The following KCND3 variants were observed in gnomAD, a reference collection of about 807,000 sequenced individuals.
KCND3 encodes the protein A-type voltage-gated potassium channel KCND3.
A neutral mutation model predicts 51.1 loss-of-function variants in KCND3; 9 were observed. The observed-to-expected ratio is 0.18, with a 90% confidence interval of 0.11 to 0.31. The LOEUF (loss-of-function observed/expected upper bound fraction) is 0.31, where lower values mean the gene tolerates loss of function less well. KCND3 is among the 10% of genes least tolerant of loss of function. The probability of loss-of-function intolerance (pLI) is 1.00; values close to 1 mark genes in which losing one functional copy is unlikely to be tolerated. For missense variants in KCND3, 526 were observed against 903.8 expected (o/e 0.58, Z 5.36); for synonymous variants, 349 against 368.0 (o/e 0.95, Z 0.59).
At chr1:111,952,568 C>T (rs1168159099) in intron 2 of KCND3, among the ~76,000 whole-genome samples, 1 of 152,168 alleles carries the variant, frequency 6.6e-6, no homozygotes, top group East Asian at 1.9e-4. Context: ...ATTTCCCTGC[C>T]TTCCTTCTCC....
At chr1:111,926,419 T>A (rs922062359) in intron 2 of KCND3, among the ~76,000 whole-genome samples, 1 of 152,248 alleles carries the variant, frequency 6.6e-6, no homozygotes, top group African/African-American at 2.4e-5. Flanking sequence ...GGTTAAGTAA[T>A]GCATCCAAGG....
chr1:111,829,950 C>T (rs1449179861), intron 2 of KCND3, among the ~76,000 whole-genome samples: 3 of 152,176 alleles, frequency 2.0e-5, no homozygotes, highest in African/African-American at 7.2e-5. Flanking sequence ...CTCATGTTCT[C>T]GCCTACTCCA....
rs996352934 is a variant in KCND3, at chr1:111,789,520, A to G, written c.1107-2414T>C. ...TGGGGTTGCAGAACCACTGCCCTGG[A>G]TCTTTGAGAAATCATGGTGCAGCAG... On this transcript the variant is annotated intron_variant, in intron 2 of 7. Transcript: ENST00000302127. Among the ~76,000 whole-genome samples, 7 of 152,248 alleles carry G rather than the reference A, an allele frequency of 4.6e-5. No homozygotes were observed. The East Asian group carries it at 1.2e-3, about 25-fold the overall frequency.
intron 3 of KCND3, among the ~76,000 whole-genome samples, chr1:111,782,306 G>C (rs558996661): frequency 6.6e-6 from 1 of 152,288 alleles, no homozygotes; most frequent in South Asian, 2.1e-4. Flanking sequence ...TCCCTTCCCA[G>C]GCTTCTAAAT....
At chr1:111,846,499 C>G (rs1341584776) in intron 2 of KCND3, among the ~76,000 whole-genome samples, 1 of 152,076 alleles carries the variant, frequency 6.6e-6, no homozygotes, top group South Asian at 2.1e-4. Flanking sequence ...GGGTGCAGGA[C>G]AGAACAGCAC....
chr1:111,834,339 G>T (rs1666979794), intron 2 of KCND3, among the ~76,000 whole-genome samples: 1 of 152,142 alleles, frequency 6.6e-6, no homozygotes, highest in Non-Finnish European at 1.5e-5. Context: ...TGCCCTTTCT[G>T]CTGAGAAGAG....
At chr1:111,829,731 T>C (rs960737767) in intron 2 of KCND3, among the ~76,000 whole-genome samples, 2 of 152,124 alleles carry the variant, frequency 1.3e-5, no homozygotes, top group African/African-American at 4.8e-5. Flanking sequence ...AGCACCTCAC[T>C]GGACATCTCC....
intron 2 of KCND3, among the ~76,000 whole-genome samples, chr1:111,924,730 A>G (rs1277036655): frequency 6.6e-6 from 1 of 152,240 alleles, no homozygotes; most frequent in African/African-American, 2.4e-5. Context: ...AAGACATAAC[A>G]GACTGGCTTG....
chr1:111,780,857 G>T lies in KCND3; in HGVS notation c.1270-66C>A. 1 of 1,382,466 alleles carries T rather than the reference G, an allele frequency of 7.2e-7. No individual in the cohort carries two copies. 85.6% of individuals were successfully genotyped at this position (1,382,466 alleles called of 1,614,324 possible). ...GATACAAAAAGACAGCAAGGCTGGT[G>T]AAGCTGTGAGGCTGGCTTCCCAGGT... On this transcript the variant is annotated intron_variant, in intron 3 of 7. Transcript: ENST00000302127. This position sits in a 1 kb window ranked among gnomAD's most constrained non-coding sequence, Gnocchi z 4.2.
At chr1:111,963,432 G>A (rs1673782071) in intron 2 of KCND3, among the ~76,000 whole-genome samples, 1 of 152,344 alleles carries the variant, frequency 6.6e-6, no homozygotes, top group East Asian at 1.9e-4. Context: ...CCCTTGACAA[G>A]TTACTTAATC....
intron 2 of KCND3, among the ~76,000 whole-genome samples, chr1:111,869,703 A>C (rs1668746419): frequency 6.6e-6 from 1 of 152,250 alleles, no homozygotes; most frequent in African/African-American, 2.4e-5. Flanking sequence ...GAGTATTATT[A>C]GCCTGCTTTC....
chr1:111,980,956 T>C (rs1334776558), intron 2 of KCND3, among the ~76,000 whole-genome samples: 1 of 152,138 alleles, frequency 6.6e-6, no homozygotes, highest in African/African-American at 2.4e-5. Context: ...GGTCATTCAA[T>C]CACTGACTCA....
intron 1 of KCND3, among the ~76,000 whole-genome samples, chr1:111,984,865 T>C (rs1273174948): frequency 2.0e-5 from 3 of 152,200 alleles, no homozygotes; most frequent in Non-Finnish European, 4.4e-5. Context: ...CTCTCTGTGA[T>C]GCTTCCTCCT....
chr1:111,828,798 T>C (rs1372737006), intron 2 of KCND3, among the ~76,000 whole-genome samples: 1 of 152,224 alleles, frequency 6.6e-6, no homozygotes, highest in Non-Finnish European at 1.5e-5. Flanking sequence ...CACTGCTGCA[T>C]GAGGCCCCTG....
At chr1:111,811,532 G>A (rs902198389) in intron 2 of KCND3, among the ~76,000 whole-genome samples, 9 of 152,060 alleles carry the variant, frequency 5.9e-5, no homozygotes, top group African/African-American at 1.9e-4. Context: ...CTAAGGGGTG[G>A]GCGATGAAAG....
chr1:111,888,086 G>A (rs1463748647), intron 2 of KCND3, among the ~76,000 whole-genome samples: 1 of 152,238 alleles, frequency 6.6e-6, no homozygotes, highest in Non-Finnish European at 1.5e-5. Flanking sequence ...GAGGAGCTGG[G>A]AGGGCAGGGA....
At chr1:111,879,706 G>T (rs557090065) in intron 2 of KCND3, among the ~76,000 whole-genome samples, 35 of 152,192 alleles carry the variant, frequency 2.3e-4, no homozygotes, top group Non-Finnish European at 4.0e-4. Flanking sequence ...GTTCCTCAAG[G>T]TTTCCAAGGA....
intron 2 of KCND3, among the ~76,000 whole-genome samples, chr1:111,854,815 T>G (rs1667986633): frequency 6.6e-6 from 1 of 152,238 alleles, no homozygotes; most frequent in Admixed American, 6.5e-5. Context: ...GTTTCCCCAC[T>G]GGTTAGCTGC....
At chr1:111,914,286 A>AC (rs1403047620) in intron 2 of KCND3, among the ~76,000 whole-genome samples, 2 of 145,744 alleles carry the variant, frequency 1.4e-5, no homozygotes, top group Non-Finnish European at 3.1e-5. Flanking sequence ...AAAAAAAAAA[A>AC]CCCATAGCAT....
Sources: gnomAD v4.1 joint callset for allele counts (sites outside exome capture counted in the v4.1 genomes callset) on GRCh38, gnomAD v4.1.1 for gene constraint, Gnocchi (gnomAD v3.1) non-coding constraint, MANE v1.5 for transcripts, NCBI Gene and HGNC (gene_info 2026-07-23, HGNC 2026-07-21) for gene names.